The following B3GLCT variants were observed in gnomAD, a reference collection of about 807,000 sequenced individuals.
The protein encoded by B3GLCT is beta-1,3-glucosyltransferase.
Under a neutral mutation model 63.4 loss-of-function variants are expected in B3GLCT, and 65 were observed. The ratio of observed to expected loss-of-function variants is 1.03; its 90% CI spans 0.84 to 1.26. The LOEUF is 1.26. Ranked by LOEUF, B3GLCT falls within the 50% of genes most tolerant of loss-of-function variation. B3GLCT has a pLI of 0.00. For missense variants in B3GLCT, 577 were observed against 604.8 expected, an observed-to-expected ratio of 0.95 and a Z score of 0.48; for synonymous variants, 233 against 219.2, an observed-to-expected ratio of 1.06 and a Z score of -0.55.
Position 31,316,423 on chromosome 13 carries a change from ATATATAT to A in B3GLCT, c.1065-1142_1065-1136del, listed in dbSNP as rs1593317427. 2.7e-5 allele frequency among the ~76,000 whole-genome samples: 3 copies of A among 110,840 alleles called. No homozygotes were observed. The East Asian group carries it at 1.1e-3, about 40-fold the overall frequency. The allele number at this position is 110,840 out of a possible 152,430, so 72.7% of individuals were successfully genotyped here. On this transcript the variant is annotated intron_variant, in intron 12 of 14. Transcript: ENST00000343307. ...TTGGAGGTTTTATATATATATATAT[ATATATAT>A]AAATTTTTTTTTTTTGAGACGGAGT...
At chr13:31,253,522 G>T (rs553098312) in intron 6 of B3GLCT, among the ~76,000 whole-genome samples, 1 of 146,214 alleles carries the variant, frequency 6.8e-6, no homozygotes, top group African/African-American at 2.5e-5. Context: ...GAACCCGGCA[G>T]GTGGAGCTTG....
chr13:31,235,116 A>G (rs1443997524), intron 4 of B3GLCT, among the ~76,000 whole-genome samples: 1 of 152,010 alleles, frequency 6.6e-6, no homozygotes, highest in East Asian at 1.9e-4. Context: ...CTGCAGGGCC[A>G]GAATGGTGGG....
intron 2 of B3GLCT, among the ~76,000 whole-genome samples, chr13:31,215,532 G>C (rs2137747214): frequency 6.6e-6 from 1 of 152,236 alleles, no homozygotes; most frequent in African/African-American, 2.4e-5. Flanking sequence ...TCCTGTCTCA[G>C]CCTCCCCAGT....
intron 12 of B3GLCT, among the ~76,000 whole-genome samples, chr13:31,316,702 T>C (rs1317223230): frequency 1.3e-5 from 2 of 151,970 alleles, no homozygotes; most frequent in African/African-American, 4.8e-5. Context: ...TTCTAATTGG[T>C]GTAGGTTCTT....
At chr13:31,211,943 C>CCT (rs1230377952) in intron 1 of B3GLCT, among the ~76,000 whole-genome samples, 2 of 152,020 alleles carry the variant, frequency 1.3e-5, no homozygotes, top group Non-Finnish European at 2.9e-5. Flanking sequence ...AGCTGTCTGG[C>CCT]CTCGCAAAAA....
At chr13:31,261,931 A>C (rs1872050267) in intron 7 of B3GLCT, among the ~76,000 whole-genome samples, 1 of 152,222 alleles carries the variant, frequency 6.6e-6, no homozygotes, top group Admixed American at 6.5e-5. Context: ...GGTAGAATCC[A>C]AACAACAACA....
intron 12 of B3GLCT, among the ~76,000 whole-genome samples, chr13:31,293,072 A>G (rs1424124748): frequency 1.3e-5 from 2 of 152,232 alleles, no homozygotes; most frequent in East Asian, 3.8e-4. Context: ...ACCCATAGTC[A>G]TTCAGGAGCA....
Position 31,247,088 on chromosome 13 carries a change from G to T in B3GLCT, c.336G>T (p.Pro112=). 6.2e-7 allele frequency: 1 copy of T among 1,612,718 alleles called. No individual in the cohort carries two copies. The highest frequency in any genetic ancestry group is 1.1e-5 in the South Asian group (1 of 91,022). ...AAGAAGGTGCATGGACCATACTTCC[G>T]TTGTTACCGCAGTACGTTTGTTTAA... ...AKQEGAWTIL[P]LLPHFSVTYS... is the part of the protein sequence containing the mutation. The change falls in exon 5 of 15, where the codon CCG becomes CCT. Residue 112 remains proline, a synonymous_variant. Transcript: ENST00000343307.
intron 1 of B3GLCT, among the ~76,000 whole-genome samples, chr13:31,212,621 G>C (rs545976683): frequency 6.6e-6 from 1 of 152,146 alleles, no homozygotes; most frequent in South Asian, 2.1e-4. Flanking sequence ...TACTGCCCAG[G>C]CTGGTTTCAA....
chr13:31,280,839 A>G (rs987746693), intron 10 of B3GLCT, among the ~76,000 whole-genome samples: 3 of 152,236 alleles, frequency 2.0e-5, no homozygotes, highest in African/African-American at 7.2e-5. Flanking sequence ...CAAGGAAGTA[A>G]TACATATTGA....
intron 9 of B3GLCT, among the ~76,000 whole-genome samples, chr13:31,275,978 A>G (rs1239406228): frequency 2.0e-5 from 3 of 152,140 alleles, no homozygotes; most frequent in Non-Finnish European, 4.4e-5. Flanking sequence ...ACCAGCCCCA[A>G]ATTATACAGG....
At chr13:31,220,820 T>G (rs949214950) in intron 2 of B3GLCT, among the ~76,000 whole-genome samples, 3 of 152,266 alleles carry the variant, frequency 2.0e-5, no homozygotes, top group Non-Finnish European at 2.9e-5. Context: ...TTCACAAAGA[T>G]AGCTATCTGA....
intron 1 of B3GLCT, among the ~76,000 whole-genome samples, chr13:31,207,006 G>T (rs1868991663): frequency 6.6e-6 from 1 of 152,144 alleles, no homozygotes; most frequent in South Asian, 2.1e-4. Context: ...TAAAGCAAAG[G>T]TTTTTGGGCA....
intron 4 of B3GLCT, among the ~76,000 whole-genome samples, chr13:31,233,431 T>TA (rs71787718): frequency 4.9e-4 from 72 of 147,396 alleles, no homozygotes; most frequent in Non-Finnish European, 7.8e-4. Flanking sequence ...GAAACAAAAT[T>TA]AAAAAAAAAA....
intron 10 of B3GLCT, among the ~76,000 whole-genome samples, chr13:31,278,971 G>A (rs1872927680): frequency 6.6e-6 from 1 of 152,042 alleles, no homozygotes; most frequent in Admixed American, 6.6e-5. Context: ...CAAAGACTTG[G>A]GTTTTCTGGC....
rs1352782339 is a variant in B3GLCT at position 31,317,603 on chromosome 13, T to G, written c.1102T>G (p.Ser368Ala). ...RLQHLLSCYDSGEPVFLGERY... is the reference protein window; with the variant it reads ...RLQHLLSCYDAGEPVFLGERY... ...CCAGCACTTGCTTAGCTGTTATGAC[T>G]CCGGCGAGCCTGTGTTTCTGGGAGA... Residue 368 changes from serine to alanine, a missense_variant, in exon 13 of 15, where the codon TCC (serine) becomes GCC (alanine). Transcript: ENST00000343307. 1.5e-5 allele frequency: 25 copies of G among 1,613,950 alleles called. No individual in the cohort carries two copies. The highest frequency in any genetic ancestry group is 2.0e-5 in the Non-Finnish European group (24 of 1,179,982).
intron 4 of B3GLCT, among the ~76,000 whole-genome samples, chr13:31,244,865 T>C (rs1871123899): frequency 6.6e-6 from 1 of 152,192 alleles, no homozygotes; most frequent in Non-Finnish European, 1.5e-5. Context: ...CAAGAGTTAA[T>C]CAAGAGCAGG....
intron 12 of B3GLCT, among the ~76,000 whole-genome samples, chr13:31,315,520 C>G (rs1874951691): frequency 1.3e-5 from 2 of 152,126 alleles, no homozygotes; most frequent in Admixed American, 6.5e-5. Context: ...GGTGACCTGG[C>G]TTATTCTGAA....
chr13:31,279,233 C>T (rs1437435062), intron 10 of B3GLCT, among the ~76,000 whole-genome samples: 1 of 152,048 alleles, frequency 6.6e-6, no homozygotes, highest in African/African-American at 2.4e-5. Context: ...GACTGCCACT[C>T]CTATCTAAGC....
Sources: allele counts gnomAD v4.1 joint callset (sites outside exome capture counted in the v4.1 genomes callset), GRCh38; gene constraint gnomAD v4.1.1; transcripts MANE v1.5; gene names NCBI Gene and HGNC (gene_info 2026-07-23, HGNC 2026-07-21).